Variants in SEMA5B observed in about 807,000 individuals in gnomAD.
SEMA5B encodes the protein semaphorin-5B.
In SEMA5B, 66 loss-of-function variants were observed where a neutral mutation model predicts 135.0. The ratio of observed to expected loss-of-function variants is 0.49; its 90% CI spans 0.40 to 0.60. SEMA5B has a LOEUF of 0.60. Among genes scored for constraint, SEMA5B ranks in the 20% least tolerant of loss-of-function variants. The probability of loss-of-function intolerance (pLI) is 0.00; values close to 1 mark genes in which losing one functional copy is unlikely to be tolerated. For missense variants in SEMA5B, 1,501 were observed against 1,566.3 expected, an observed-to-expected ratio of 0.96 and a Z score of 0.70; for synonymous variants, 690 against 639.5, an observed-to-expected ratio of 1.08 and a Z score of -1.19.
At chr3:123,012,949 GAGAC>G (rs1476487091) in intron 1 of SEMA5B, among the ~76,000 whole-genome samples, 47 of 152,336 alleles carry the variant, frequency 3.1e-4, no homozygotes, top group Non-Finnish European at 4.4e-4. Context: ...GGTGTCCTTA[GAGAC>G]AGACAGAGCC....
intron 16 of SEMA5B, 31 bp downstream of exon 16, chr3:122,913,503 C>T (rs750737923): frequency 6.3e-6 from 10 of 1,598,988 alleles, no homozygotes; most frequent in Admixed American, 1.7e-5. Context: ...TACCCTACAC[C>T]GCGCCCCTGG....
At chr3:123,003,735 G>A (rs1451809050) in intron 1 of SEMA5B, among the ~76,000 whole-genome samples, 1 of 152,198 alleles carries the variant, frequency 6.6e-6, no homozygotes, top group Non-Finnish European at 1.5e-5. Context: ...TCAGGAGGCT[G>A]AGGCAGGAGA....
At chr3:122,970,014 C>T (rs536369752) in intron 1 of SEMA5B, among the ~76,000 whole-genome samples, 5 of 152,222 alleles carry the variant, frequency 3.3e-5, no homozygotes, top group Admixed American at 2.0e-4. Flanking sequence ...TGGGTGGCTC[C>T]GTGTCTCGGC....
rs941099723 is a variant in SEMA5B, at chr3:122,982,515, G to C, written c.-38-21214C>G. 7.9e-5 allele frequency among the ~76,000 whole-genome samples: 12 copies of C among 152,140 alleles called. No individual in the cohort carries two copies. The East Asian group carries it at 2.3e-3, about 29-fold the overall frequency. On this transcript the variant is annotated intron_variant, in intron 1 of 22. Transcript: ENST00000357599. ...GCTACTTTGCATGATTTCTGCCACC[G>C]CTCCCGCCCATTACGGGGATAATTA...
chr3:123,023,335 C>G (rs1028237660), intron 1 of SEMA5B, among the ~76,000 whole-genome samples: 1 of 151,858 alleles, frequency 6.6e-6, no homozygotes, highest in Non-Finnish European at 1.5e-5. Flanking sequence ...CACACACACA[C>G]ACACACACAC....
At chr3:122,943,316 AG>A in intron 4 of SEMA5B, 119 bp downstream of exon 4, 1 of 660,608 alleles carries the variant, frequency 1.5e-6, no homozygotes, top group African/African-American at 1.8e-5. Context: ...GAGAGGGCCC[AG>A]CAGAGAGGAT....
At chr3:122,979,372 C>T (rs1418715955) in intron 1 of SEMA5B, among the ~76,000 whole-genome samples, 4 of 152,214 alleles carry the variant, frequency 2.6e-5, no homozygotes, top group South Asian at 2.1e-4. Context: ...CCGCCATCCA[C>T]GAACACTTTC....
intron 1 of SEMA5B, among the ~76,000 whole-genome samples, chr3:122,993,597 T>C (rs6771686): frequency 0.3 from 46,197 of 152,004 alleles, 11,545 homozygotes; most frequent in African/African-American, 0.69. Flanking sequence ...AGAAGCAGTG[T>C]GTGCATCTTC....
chr3:123,021,596 G>A (rs1415375708), intron 1 of SEMA5B, among the ~76,000 whole-genome samples: 2 of 152,200 alleles, frequency 1.3e-5, no homozygotes, highest in Non-Finnish European at 1.5e-5. Flanking sequence ...TAGGGCAGTA[G>A]GGAGGGAGCT....
chr3:123,020,202 G>T (rs568831050), intron 1 of SEMA5B, among the ~76,000 whole-genome samples: 2 of 152,252 alleles, frequency 1.3e-5, no homozygotes. Flanking sequence ...ACCACGGGGG[G>T]TTTGTTAAAT....
At chr3:122,988,014 G>A (rs945330962) in intron 1 of SEMA5B, among the ~76,000 whole-genome samples, 2 of 152,104 alleles carry the variant, frequency 1.3e-5, no homozygotes, top group Non-Finnish European at 2.9e-5. Flanking sequence ...CCTCAGAGAT[G>A]TGCAACAGTA....
At chr3:122,985,086 T>C (rs1026897548) in intron 1 of SEMA5B, among the ~76,000 whole-genome samples, 1 of 152,228 alleles carries the variant, frequency 6.6e-6, no homozygotes, top group African/African-American at 2.4e-5. Context: ...CTGCATATAA[T>C]GATGCAACTT....
intron 1 of SEMA5B, among the ~76,000 whole-genome samples, chr3:123,005,152 C>T (rs1942275755): frequency 1.3e-5 from 2 of 152,034 alleles, no homozygotes; most frequent in Non-Finnish European, 2.9e-5. Flanking sequence ...CCACTCAGAC[C>T]CCACTGCTCC....
At chr3:122,983,570 G>C (rs1941597506) in intron 1 of SEMA5B, among the ~76,000 whole-genome samples, 1 of 151,754 alleles carries the variant, frequency 6.6e-6, no homozygotes, top group South Asian at 2.1e-4. Context: ...CTTGACTTGG[G>C]TGATGATGTA....
At chr3:122,916,357 T>C (rs192662697) in intron 12 of SEMA5B, among the ~76,000 whole-genome samples, 84 of 152,324 alleles carry the variant, frequency 5.5e-4, no homozygotes, top group East Asian at 3.9e-4. Context: ...GCCTTACAGA[T>C]GGTTCTCAAC....
At chr3:122,922,179 C>A in intron 11 of SEMA5B, 57 bp from the exon 12 acceptor site, 2 of 1,566,308 alleles carry the variant, frequency 1.3e-6, no homozygotes, top group South Asian at 1.2e-5. Flanking sequence ...AAGCTTGCAG[C>A]CCCGCGCCGT....
chr3:122,951,107 A>G (rs1332096708), intron 2 of SEMA5B, among the ~76,000 whole-genome samples: 2 of 152,112 alleles, frequency 1.3e-5, no homozygotes, highest in African/African-American at 4.8e-5. Flanking sequence ...CTAGAGGGGC[A>G]TGCTCTGTTG....
At chr3:122,935,046 A>G (rs74503099) in intron 5 of SEMA5B, among the ~76,000 whole-genome samples, 7,681 of 152,298 alleles carry the variant, frequency 0.05, 249 homozygotes, top group Middle Eastern at 0.11. Context: ...CACGGGGTTC[A>G]TGTACAATTC....
intron 17 of SEMA5B, 68 bp downstream of exon 17, chr3:122,913,130 GC>G: frequency 6.3e-6 from 9 of 1,424,676 alleles, no homozygotes; most frequent in Non-Finnish European, 8.2e-6. Flanking sequence ...CCTCCCCGGG[GC>G]TCCCGCCCCC....
Sources: allele counts gnomAD v4.1 joint callset (sites outside exome capture counted in the v4.1 genomes callset), GRCh38; gene constraint gnomAD v4.1.1; transcripts MANE v1.5; gene names NCBI Gene and HGNC (gene_info 2026-07-23, HGNC 2026-07-21).